Variants in FMNL2 observed in about 807,000 individuals in gnomAD.
FMNL2 encodes formin-like protein 2.
FMNL2 carries 51 observed loss-of-function variants against 130.2 expected under a neutral mutation model. The ratio of observed to expected loss-of-function variants is 0.39; its 90% CI spans 0.31 to 0.49. The LOEUF (loss-of-function observed/expected upper bound fraction) is 0.49, where lower values mean the gene tolerates loss of function less well. Ranked by LOEUF, FMNL2 falls within the 20% of genes least tolerant of loss-of-function variation. The pLI is 0.85. For synonymous variants in FMNL2, 465 were observed against 467.1 expected, an observed-to-expected ratio of 1.00 and a Z score of 0.06; for missense variants, 977 against 1,316.2, an observed-to-expected ratio of 0.74 and a Z score of 3.99.
At chr2:152,604,691 G>T (rs1698263031) in intron 9 of FMNL2, among the ~76,000 whole-genome samples, 1 of 152,088 alleles carries the variant, frequency 6.6e-6, no homozygotes, top group Non-Finnish European at 1.5e-5. Context: ...TGCCTTCTGG[G>T]TTCAAGCAAT....
intron 1 of FMNL2, among the ~76,000 whole-genome samples, chr2:152,497,979 T>C (rs1299007030): frequency 6.6e-6 from 1 of 152,218 alleles, no homozygotes; most frequent in Admixed American, 6.5e-5. Context: ...CTCCCTGGTT[T>C]GTCTCTTAGT....
chr2:152,633,819 T>C (rs777255765), intron 21 of FMNL2, among the ~76,000 whole-genome samples: 1 of 152,226 alleles, frequency 6.6e-6, no homozygotes, highest in African/African-American at 2.4e-5. Context: ...AATGGTGTCA[T>C]TTGAAAAACA....
intron 1 of FMNL2, among the ~76,000 whole-genome samples, chr2:152,410,704 G>A (rs749910610): frequency 2.2e-4 from 33 of 152,242 alleles, no homozygotes; most frequent in African/African-American, 5.8e-4. Context: ...TTGGCTTTTC[G>A]GACTCATGGT....
Position 152,521,640 on chromosome 2 carries a change from T to A in FMNL2, c.118-303T>A, listed in dbSNP as rs185805634. 3.0e-4 allele frequency among the ~76,000 whole-genome samples: 45 copies of A among 152,308 alleles called. No individual in the cohort carries two copies. The East Asian group carries it at 7.5e-3, about 25-fold the overall frequency. ...GAAATTGGATACCTTGTGACCTTTT[T>A]GTTGAGTAGAAAGGGAGTCTGCCAA... On this transcript the variant is annotated intron_variant, in intron 1 of 25. Coordinates refer to ENST00000288670, the MANE Select transcript of FMNL2 (RefSeq NM_052905.4).
intron 1 of FMNL2, among the ~76,000 whole-genome samples, chr2:152,368,932 G>A (rs34480590): frequency 0.078 from 11,894 of 152,032 alleles, 502 homozygotes; most frequent in African/African-American, 0.1. Flanking sequence ...GGTTTTTTGT[G>A]TGTGTGTTTT....
At chr2:152,433,419 G>A (rs533588802) in intron 1 of FMNL2, among the ~76,000 whole-genome samples, 399 of 152,252 alleles carry the variant, frequency 2.6e-3, no homozygotes, top group Non-Finnish European at 4.2e-3. Context: ...CTTAAAAGTG[G>A]ACAAAGGAAG....
intron 9 of FMNL2, among the ~76,000 whole-genome samples, chr2:152,602,031 A>G (rs946823732): frequency 2.6e-5 from 4 of 152,234 alleles, no homozygotes; most frequent in African/African-American, 9.6e-5. Flanking sequence ...GAATGGTCCA[A>G]GCTAACAACA....
intron 1 of FMNL2, among the ~76,000 whole-genome samples, chr2:152,409,741 G>A (rs909173961): frequency 1.3e-5 from 2 of 152,172 alleles, no homozygotes; most frequent in African/African-American, 4.8e-5. Flanking sequence ...AACTTTGTAT[G>A]TGTTTTTCCC....
intron 1 of FMNL2, among the ~76,000 whole-genome samples, chr2:152,434,033 G>A (rs768093626): frequency 1.3e-4 from 20 of 152,222 alleles, no homozygotes; most frequent in Non-Finnish European, 2.4e-4. Flanking sequence ...GAAACAGAAG[G>A]ACATTTATGA....
chr2:152,381,362 G>A (rs1684449830), intron 1 of FMNL2, among the ~76,000 whole-genome samples: 1 of 152,118 alleles, frequency 6.6e-6, no homozygotes, highest in African/African-American at 2.4e-5. Context: ...TGTGACATAC[G>A]AGCTCATAAA....
chr2:152,619,167 C>A lies in FMNL2; in HGVS notation c.1627+9C>A. 1 of 1,542,140 alleles carries A rather than the reference C, an allele frequency of 6.5e-7. No individual in the cohort carries two copies. The highest frequency in any genetic ancestry group is 8.7e-7 in the Non-Finnish European group (1 of 1,148,700). On this transcript the variant is annotated intron_variant, in intron 14 of 25. Coordinates refer to ENST00000288670, the MANE Select transcript of FMNL2 (RefSeq NM_052905.4). ...AGACACACCTGAAACAGGTAAGAAG[C>A]CTTGGCAGGAGGACTGAGGAAGTTT...
intron 1 of FMNL2, among the ~76,000 whole-genome samples, chr2:152,408,042 T>C (rs1028404874): frequency 2.0e-5 from 3 of 152,120 alleles, no homozygotes; most frequent in Non-Finnish European, 4.4e-5. Context: ...GAGTGACATA[T>C]GGGGGCTGGA....
chr2:152,479,894 T>C (rs1197054617), intron 1 of FMNL2, among the ~76,000 whole-genome samples: 2 of 152,040 alleles, frequency 1.3e-5, no homozygotes, highest in African/African-American at 4.8e-5. Flanking sequence ...GTCTTTTTTT[T>C]TGGTAGAGAT....
chr2:152,625,911 T>C (rs1681752648), intron 16 of FMNL2, among the ~76,000 whole-genome samples: 1 of 152,220 alleles, frequency 6.6e-6, no homozygotes, highest in African/African-American at 2.4e-5. Flanking sequence ...CTGCCTTATC[T>C]GATGGATAAT....
chr2:152,492,619 A>G (rs1468052573), intron 1 of FMNL2, among the ~76,000 whole-genome samples: 1 of 152,148 alleles, frequency 6.6e-6, no homozygotes, highest in Non-Finnish European at 1.5e-5. Flanking sequence ...CTTATCTTTC[A>G]TAATTTTCCA....
chr2:152,348,516 A>G, intron 1 of FMNL2, among the ~76,000 whole-genome samples: 1 of 152,202 alleles, frequency 6.6e-6, no homozygotes, highest in Non-Finnish European at 1.5e-5. Context: ...TAGGCTGACT[A>G]TTAATTGCAC....
At chr2:152,411,698 C>T (rs1426931321) in intron 1 of FMNL2, among the ~76,000 whole-genome samples, 4 of 152,254 alleles carry the variant, frequency 2.6e-5, no homozygotes, top group Middle Eastern at 3.4e-3. Flanking sequence ...TCTCTAGCAC[C>T]GCTTCCATTT....
At chr2:152,564,648 G>T (rs971090098) in intron 6 of FMNL2, among the ~76,000 whole-genome samples, 1 of 151,968 alleles carries the variant, frequency 6.6e-6, no homozygotes, top group Non-Finnish European at 1.5e-5. Context: ...CATGAGAATT[G>T]CTTGAACCTG....
chr2:152,426,348 A>G lies in FMNL2; in HGVS notation c.117+90628A>G, dbSNP rs530722436. ...AGCACTGGTAGCAGCCTAGACAAGC[A>G]GCCGGTAGAGATATAAGACAATGGC... On this transcript the variant is annotated intron_variant, in intron 1 of 25. Transcript: ENST00000288670. Among the ~76,000 whole-genome samples, 406 of 152,344 alleles carry G rather than the reference A, an allele frequency of 2.7e-3. 2 individuals carry two copies. Among genetic ancestry groups the G allele is most frequent in the African/African-American group, 9.5e-3 (396 of 41,574 alleles).
Sources: allele counts gnomAD v4.1 joint callset (sites outside exome capture counted in the v4.1 genomes callset), GRCh38; gene constraint gnomAD v4.1.1; transcripts MANE v1.5; gene names NCBI Gene and HGNC (gene_info 2026-07-23, HGNC 2026-07-21).